ZNF777: variants seen among roughly 807,000 people sequenced by gnomAD.
ZNF777 encodes zinc finger protein 777.
Under a neutral mutation model 72.1 loss-of-function variants are expected in ZNF777, and 7 were observed. The ratio of observed to expected loss-of-function variants is 0.10; its 90% confidence interval spans 0.06 to 0.18. ZNF777 has a LOEUF of 0.18. Ranked by LOEUF, ZNF777 falls within the 10% of genes least tolerant of loss-of-function variation. The pLI is 1.00. For missense variants in ZNF777, 828 were observed against 1,128.6 expected (o/e 0.73, Z 3.82); for synonymous variants, 545 against 483.5 (o/e 1.13, Z -1.67).
chr7:149,442,609 G>GA (rs1452000657), intron 4 of ZNF777, among the ~76,000 whole-genome samples: 1 of 149,018 alleles, frequency 6.7e-6, no homozygotes, highest in African/African-American at 2.5e-5. Flanking sequence ...AACAGAGTGA[G>GA]ACTCTGTCTA....
intron 4 of ZNF777, among the ~76,000 whole-genome samples, chr7:149,441,189 A>C (rs1028062962): frequency 6.6e-6 from 1 of 152,238 alleles, no homozygotes; most frequent in Non-Finnish European, 1.5e-5. Flanking sequence ...TATAAGCAGG[A>C]ATTTGTTCTC....
chr7:149,446,343 TC>T (rs904358741), intron 4 of ZNF777, among the ~76,000 whole-genome samples: 24 of 151,726 alleles, frequency 1.6e-4, no homozygotes, highest in African/African-American at 5.8e-4. Flanking sequence ...GCCATTGCAC[TC>T]CGGCCTGGCA....
At chr7:149,447,342 G>T (rs1450939078) in intron 4 of ZNF777, among the ~76,000 whole-genome samples, 1 of 152,196 alleles carries the variant, frequency 6.6e-6, no homozygotes, top group East Asian at 1.9e-4. Flanking sequence ...CTGAACTCCA[G>T]ACTCCTTTAT....
chr7:149,437,949 G>A lies in ZNF777; in HGVS notation c.1088-1123C>T, dbSNP rs139506825. Among the ~76,000 whole-genome samples, 9 of 150,942 alleles carry A rather than the reference G, an allele frequency of 6.0e-5. No individual in the cohort carries two copies. The South Asian group carries it at 1.3e-3, about 21-fold the overall frequency. On this transcript the variant is annotated intron_variant, in intron 4 of 5. Transcript: ENST00000247930. ...GGCTGGAGTGCAATGGTGTGGTCTC[G>A]GTTCACTGCAAGCTCCGCCTCCCAA...
chr7:149,442,751 T>C (rs567954438), intron 4 of ZNF777, among the ~76,000 whole-genome samples: 11 of 152,112 alleles, frequency 7.2e-5, no homozygotes, highest in Non-Finnish European at 1.5e-4. Context: ...TCCAAAAGAA[T>C]AACAACAAAG....
chr7:149,439,611 C>A (rs543851052), intron 4 of ZNF777, among the ~76,000 whole-genome samples: 1 of 152,186 alleles, frequency 6.6e-6, no homozygotes. Flanking sequence ...ACTTCTATTT[C>A]TATTCCCACT....
chr7:149,432,466 G>A lies in ZNF777; in HGVS notation c.1806C>T (p.Cys602=), dbSNP rs944106020. 6.2e-7 allele frequency: 1 copy of A among 1,613,466 alleles called. No individual in the cohort carries two copies. Among genetic ancestry groups the A allele is most frequent in the Non-Finnish European group, 8.5e-7 (1 of 1,179,878 alleles). ...HQRIHRVRGG[C]VSPERGPTFN... ...ACGTGGGCCCGCGTTCGGGTGAGAC[G>A]CAGCCTCCGCGCACGCGGTGGATGC... The change falls in exon 6 of 6, where the codon TGC becomes TGT. Residue 602 remains cysteine, a synonymous_variant. Transcript: ENST00000247930.
rs1362079310 is a variant in ZNF777, at chr7:149,431,698, G to A, written c.*78C>T. On this transcript the variant is annotated 3_prime_UTR_variant, in exon 6 of 6. Transcript: ENST00000247930. ...GCTGGGGGGCGCCCCGCCCCCGCCC[G>A]CTGGGCTCGGGCCTGGCGGTGTCCG... 3.4e-5 allele frequency: 39 copies of A among 1,158,388 alleles called. No individual in the cohort carries two copies. The highest frequency in any genetic ancestry group is 4.1e-5 in the Non-Finnish European group (38 of 934,598). 71.8% of individuals were successfully genotyped at this position (1,158,388 alleles called of 1,614,324 possible).
chr7:149,432,704 T>G lies in ZNF777; in HGVS notation c.1568A>C (p.Glu523Ala). 1.9e-6 allele frequency: 3 copies of G among 1,612,836 alleles called. No homozygotes were observed. The highest frequency in any genetic ancestry group is 2.5e-6 in the Non-Finnish European group (3 of 1,179,540). The change falls in exon 6 of 6, where the codon GAG becomes GCG. Residue 523 changes from glutamate (E) to alanine (A), a missense_variant. Physicochemically the swap from Glu to Ala is moderately radical, Grantham distance 107. This residue lies in a region of ZNF777 where 219 missense variants were observed against 223.0 expected (regional missense o/e 0.98). Transcript: ENST00000247930. ...VKRLAPSVHG[E>A]RHLSENRGAS... is the part of the protein sequence containing the mutation. ...CCCGCGGTTCTCGCTCAGGTGCCGC[T>G]CACCGTGCACGGAGGGCGCCAGCCT...
chr7:149,442,943 ATTCTCATG>A (rs1799549331), intron 4 of ZNF777, among the ~76,000 whole-genome samples: 1 of 152,230 alleles, frequency 6.6e-6, no homozygotes, highest in South Asian at 2.1e-4. Context: ...AGAAACAAAC[ATTCTCATG>A]CTTAGAAGGG....
chr7:149,447,496 G>A (rs139180946), intron 4 of ZNF777, among the ~76,000 whole-genome samples: 1 of 152,146 alleles, frequency 6.6e-6, no homozygotes, highest in African/African-American at 2.4e-5. Flanking sequence ...AGGCCTGGGG[G>A]CCACCCTTAG....
At chr7:149,451,221 AC>A in intron 3 of ZNF777, 109 bp from the exon 4 acceptor site, 1 of 961,908 alleles carries the variant, frequency 1.0e-6, no homozygotes, top group Non-Finnish European at 1.6e-6. Flanking sequence ...TCGACTGGAG[AC>A]CACAATGGAA....
intron 4 of ZNF777, among the ~76,000 whole-genome samples, chr7:149,449,603 G>A (rs565296509): frequency 4.7e-4 from 71 of 152,054 alleles, no homozygotes; most frequent in Admixed American, 4.2e-3. Context: ...TCTCTGCCTC[G>A]CAACACTTCT....
rs1380092035 is a variant in ZNF777 at position 149,432,508 on chromosome 7, C to T, written c.1764G>A (p.Gln588=). 15 of 1,613,714 alleles carry T rather than the reference C, an allele frequency of 9.3e-6. No homozygotes were observed. The highest frequency in any genetic ancestry group is 1.2e-5 in the Non-Finnish European group (14 of 1,179,866). Residue 588 remains glutamine, a synonymous_variant, in exon 6 of 6, where the codon CAG becomes CAA. Transcript: ENST00000247930. ...ECEISFRHKQ[Q]LTLHQRIHRV... ...GGTGGATGCGCTGGTGCAGCGTGAGCTGTTGCTTGTGCCGGAAGCTGATCT... is the reference window on the plus strand; with the variant it reads ...GGTGGATGCGCTGGTGCAGCGTGAGTTGTTGCTTGTGCCGGAAGCTGATCT...
chr7:149,436,824 G>A lies in ZNF777; in HGVS notation c.1090C>T (p.His364Tyr). The A allele has an allele frequency of 1.2e-6, 2 of 1,605,428 alleles. No individual in the cohort carries two copies. Among genetic ancestry groups the A allele is most frequent in the Non-Finnish European group, 1.7e-6 (2 of 1,172,602 alleles). ...TCGATCTTAATCACGATCCCATCGT[G>A]CGCTGAGAGAGGGTGGGCAGGGGTG... ...GETPTDPSAAHDGIVIKIEVQ... is the reference protein window; with the variant it reads ...GETPTDPSAAYDGIVIKIEVQ... The change falls in exon 5 of 6, where the codon CAC (histidine) becomes TAC (tyrosine). Residue 364 changes from histidine (H) to tyrosine (Y), a missense_variant and splice_region_variant. Around this residue, in one of 12 missense-constraint regions of ZNF777, gnomAD observed 73 missense variants for 90.6 expected, o/e 0.81. Transcript: ENST00000247930. The surrounding 1 kb of genome is among the most constrained non-coding windows in gnomAD (Gnocchi z 5.0).
chr7:149,454,281 T>C, intron 2 of ZNF777, 44 bp from the exon 3 acceptor site: 1 of 1,611,946 alleles, frequency 6.2e-7, no homozygotes. Context: ...TGGAAGGCAG[T>C]GACAGGCCCA....
chr7:149,432,956 A>C, intron 5 of ZNF777, 24 bp from the exon 6 acceptor site: 1 of 1,453,074 alleles, frequency 6.9e-7, no homozygotes, highest in African/African-American at 1.4e-5. Context: ...AGAGAGAGAA[A>C]GTCGTTAGCT....
At chr7:149,450,718 CCTTT>C (rs1401898030) in intron 4 of ZNF777, among the ~76,000 whole-genome samples, 2 of 152,188 alleles carry the variant, frequency 1.3e-5, no homozygotes, top group Admixed American at 6.5e-5. Context: ...CAAGGGACTG[CCTTT>C]CTTTGAGTTT....
intron 4 of ZNF777, among the ~76,000 whole-genome samples, chr7:149,444,768 C>T (rs927341477): frequency 6.6e-6 from 1 of 152,222 alleles, no homozygotes; most frequent in African/African-American, 2.4e-5. Flanking sequence ...ATTCTCATTT[C>T]TTCGCATGAC....
Sources: gnomAD v4.1 joint callset for allele counts (sites outside exome capture counted in the v4.1 genomes callset) on GRCh38, gnomAD v4.1.1 for gene constraint, gnomAD v4.1.1 regional missense constraint, Gnocchi (gnomAD v3.1) non-coding constraint, MANE v1.5 for transcripts, NCBI Gene and HGNC (gene_info 2026-07-23, HGNC 2026-07-21) for gene names.